The following ENOX1 variants were observed in gnomAD, a reference collection of about 807,000 sequenced individuals.
The protein encoded by ENOX1 is candidate growth-related and time keeping constitutive hydroquinone (NADH) oxidase.
In ENOX1, 42 loss-of-function variants were observed where a neutral mutation model predicts 82.5. The ratio of observed to expected loss-of-function variants is 0.51; its 90% CI spans 0.40 to 0.66. The LOEUF (loss-of-function observed/expected upper bound fraction) is 0.66, where lower values mean the gene tolerates loss of function less well. ENOX1 is among the 30% of genes least tolerant of loss of function. The pLI is 0.00. For missense variants in ENOX1, 608 were observed against 811.6 expected (o/e 0.75, Z 3.05); for synonymous variants, 271 against 282.2 (o/e 0.96, Z 0.40).
At chr13:43,604,040 C>G (rs1277845325) in intron 2 of ENOX1, among the ~76,000 whole-genome samples, 4 of 150,042 alleles carry the variant, frequency 2.7e-5, no homozygotes, top group African/African-American at 7.5e-5. Context: ...CACATCCTCT[C>G]CAGCACCTGT....
chr13:43,334,594 GC>G (rs578214755), intron 9 of ENOX1, among the ~76,000 whole-genome samples: 92 of 152,264 alleles, frequency 6.0e-4, no homozygotes, highest in Non-Finnish European at 4.6e-4. Context: ...GAAACTTGCA[GC>G]TAAGTTGAAT....
chr13:43,526,064 A>G (rs1327379687), intron 2 of ENOX1, among the ~76,000 whole-genome samples: 2 of 152,162 alleles, frequency 1.3e-5, no homozygotes, highest in Non-Finnish European at 2.9e-5. Flanking sequence ...TGCAATGCTT[A>G]ACAAACAATG....
At chr13:43,451,923 G>A (rs1008229643) in intron 3 of ENOX1, among the ~76,000 whole-genome samples, 9 of 152,240 alleles carry the variant, frequency 5.9e-5, no homozygotes, top group African/African-American at 2.2e-4. Flanking sequence ...TATCAGATGG[G>A]GATAAATGCT....
intron 2 of ENOX1, among the ~76,000 whole-genome samples, chr13:43,496,745 C>T (rs2076810264): frequency 6.6e-6 from 1 of 152,098 alleles, no homozygotes; most frequent in Non-Finnish European, 1.5e-5. Context: ...AATCAATTTA[C>T]TGTATAAGTC....
intron 3 of ENOX1, among the ~76,000 whole-genome samples, chr13:43,421,712 G>A (rs1244293813): frequency 3.9e-5 from 6 of 152,030 alleles, no homozygotes; most frequent in Admixed American, 1.3e-4. Context: ...ATTCTAGTTA[G>A]TTTATCTCTA....
At chr13:43,715,699 G>A (rs951109847) in intron 1 of ENOX1, among the ~76,000 whole-genome samples, 1 of 151,940 alleles carries the variant, frequency 6.6e-6, no homozygotes, top group Non-Finnish European at 1.5e-5. Flanking sequence ...CTTCCTTTCT[G>A]GCTTCATTTC....
At chr13:43,591,438 T>C (rs564991822) in intron 2 of ENOX1, among the ~76,000 whole-genome samples, 142 of 152,266 alleles carry the variant, frequency 9.3e-4, no homozygotes, top group Non-Finnish European at 1.5e-3. Context: ...ATATATTGTC[T>C]ACAGATCACA....
At chr13:43,567,199 G>A (rs1164529679) in intron 2 of ENOX1, among the ~76,000 whole-genome samples, 1 of 152,060 alleles carries the variant, frequency 6.6e-6, no homozygotes, top group African/African-American at 2.4e-5. Context: ...GGAAGTTGGG[G>A]TAAAAACCAC....
At chr13:43,670,332 T>C (rs560359099) in intron 1 of ENOX1, among the ~76,000 whole-genome samples, 2 of 152,300 alleles carry the variant, frequency 1.3e-5, no homozygotes, top group South Asian at 4.1e-4. Flanking sequence ...GAAAAGCAAT[T>C]TGGCTTCCTT....
chr13:43,544,399 T>C (rs920779950), intron 2 of ENOX1: 1 of 152,148 alleles, frequency 6.6e-6, no homozygotes, highest in Admixed American at 6.5e-5. Flanking sequence ...TTTTGAATTA[T>C]AATAAAATGA....
At chr13:43,375,980 AG>A (rs2051605678) in intron 5 of ENOX1, among the ~76,000 whole-genome samples, 1 of 152,254 alleles carries the variant, frequency 6.6e-6, no homozygotes, top group Non-Finnish European at 1.5e-5. Flanking sequence ...GAGGTTATAA[AG>A]GATAAATCTG....
At position 43,768,483 on chromosome 13, in the gene ENOX1, A is replaced by C. The variant is rs142815297; in HGVS notation, c.-285+18169T>G. Among the ~76,000 whole-genome samples the C allele has an allele frequency of 2.7e-4, 41 of 152,284 alleles. No homozygotes were observed. The East Asian group carries it at 7.9e-3, about 29-fold the overall frequency. The stretch of plus-strand genomic sequence containing the variant: ...AAACAAATTTTAAAACTACCCAGGC[A>C]TGGTGGCACATGCCTTGCAGTCTTA... On this transcript the variant is annotated intron_variant, in intron 1 of 16. Coordinates refer to ENST00000690772, the MANE Select transcript of ENOX1 (RefSeq NM_001347969.2).
intron 9 of ENOX1, among the ~76,000 whole-genome samples, chr13:43,330,463 A>G (rs749578759): frequency 6.6e-6 from 1 of 152,044 alleles, no homozygotes; most frequent in Non-Finnish European, 1.5e-5. Context: ...GGTAAAGGGA[A>G]TTTTTTTTCT....
intron 1 of ENOX1, among the ~76,000 whole-genome samples, chr13:43,750,528 T>A (rs1304513574): frequency 6.6e-6 from 1 of 152,136 alleles, no homozygotes; most frequent in Non-Finnish European, 1.5e-5. Flanking sequence ...AGTCTCCAAG[T>A]ATGAAGCTTG....
Position 43,213,826 on chromosome 13 carries a change from A to T in ENOX1, c.*164T>A. 1 of 613,998 alleles carries T rather than the reference A, an allele frequency of 1.6e-6. No homozygotes were observed. The highest frequency in any genetic ancestry group is 2.6e-6 in the Non-Finnish European group (1 of 379,810). 38.0% of individuals were successfully genotyped at this position (613,998 alleles called of 1,614,324 possible). The stretch of plus-strand genomic sequence containing the variant: ...TATTTTAAGAAACTGGTACACAATT[A>T]CATTTCCACTTACAAGAGAACGCCA... On this transcript the variant is annotated 3_prime_UTR_variant, in exon 17 of 17. Transcript: ENST00000690772.
intron 15 of ENOX1, among the ~76,000 whole-genome samples, chr13:43,230,853 A>G (rs1309914737): frequency 2.0e-5 from 3 of 152,220 alleles, no homozygotes; most frequent in East Asian, 1.9e-4. Flanking sequence ...AGAATAAACT[A>G]TCACTTTGTG....
At chr13:43,470,377 C>CATATATATGT (rs2058003442) in intron 3 of ENOX1, among the ~76,000 whole-genome samples, 12 of 27,052 alleles carry the variant, frequency 4.4e-4, no homozygotes, top group African/African-American at 1.5e-3. Context: ...TATATATATA[C>CATATATATGT]ATATATATAC....
intron 5 of ENOX1, among the ~76,000 whole-genome samples, chr13:43,404,544 C>G (rs1258829078): frequency 3.3e-5 from 5 of 152,168 alleles, no homozygotes; most frequent in Non-Finnish European, 5.9e-5. Context: ...TTTTCTGAAG[C>G]TTCTCCAATA....
At chr13:43,393,039 G>A (rs2052894841) in intron 5 of ENOX1, among the ~76,000 whole-genome samples, 1 of 152,134 alleles carries the variant, frequency 6.6e-6, no homozygotes, top group Non-Finnish European at 1.5e-5. Context: ...GCATAGCTCT[G>A]TGGGCATTTC....
Sources: gnomAD v4.1 joint callset for allele counts (sites outside exome capture counted in the v4.1 genomes callset) on GRCh38, gnomAD v4.1.1 for gene constraint, MANE v1.5 for transcripts, NCBI Gene and HGNC (gene_info 2026-07-23, HGNC 2026-07-21) for gene names.